SATL1: variants seen among roughly 807,000 people sequenced by gnomAD.
The protein encoded by SATL1 is spermidine/spermine N1-acetyl transferase like 1, also known as spermidine/spermine N(1)-acetyltransferase-like protein 1.
Under a neutral mutation model 51.8 loss-of-function variants are expected in SATL1, and 47 were observed. That is an observed-to-expected ratio of 0.91 (90% CI 0.72 to 1.16). The LOEUF (loss-of-function observed/expected upper bound fraction) is 1.16. Among genes scored for constraint, SATL1 ranks in the 50% most tolerant of loss-of-function variants. SATL1 has a pLI of 0.00. For synonymous variants in SATL1, 176 were observed against 182.4 expected (o/e 0.97, Z 0.28); for missense variants, 520 against 526.4 (o/e 0.99, Z 0.12).
chrX:85,239,359 A>T (rs1042736410), intron 1 of SATL1, among the ~76,000 whole-genome samples: 2 of 111,494 alleles, frequency 1.8e-5, no homozygotes, highest in African/African-American at 3.3e-5. Flanking sequence ...AACACTGATG[A>T]AACATATCCA....
At chrX:85,220,068 T>G (rs188369951) in intron 2 of SATL1, among the ~76,000 whole-genome samples, 8 of 108,621 alleles carry the variant, frequency 7.4e-5, no homozygotes, top group Non-Finnish European at 1.5e-4. Context: ...CCAGCAGCAG[T>G]GTGGAGTGGA....
intron 2 of SATL1, among the ~76,000 whole-genome samples, chrX:85,142,395 CA>C (rs1212348825): frequency 0.13 from 5,702 of 43,031 alleles, 521 homozygotes; most frequent in African/African-American, 0.34. Flanking sequence ...GACTCCATCT[CA>C]AAAAAAAAAA....
Position 85,129,398 on chromosome X carries a change from C to T in SATL1, c.-312-20118G>A, listed in dbSNP as rs188281335. 7.4e-3 allele frequency among the ~76,000 whole-genome samples: 824 copies of T among 111,256 alleles called. 7 individuals carry two copies. Among genetic ancestry groups the T allele is most frequent in the African/African-American group, 0.025 (774 of 30,578 alleles). On this transcript the variant is annotated intron_variant, in intron 2 of 7. Transcript: ENST00000644105. ...GTTGGATTCCTAGGTATTTTATTCT[C>T]TTTGTAGCAATTGTGAATGGGAGTT...
At position 85,123,354 on chromosome X, in the gene SATL1, C is replaced by A. The variant is rs1466281226; in HGVS notation, c.-312-14074G>T. 4.5e-5 allele frequency among the ~76,000 whole-genome samples: 5 copies of A among 111,000 alleles called. No homozygotes were observed. The Admixed American group carries it at 4.8e-4, about 11-fold the overall frequency. ...TTTTGATTTTTTAATTATAGCCATT[C>A]TGACTGGTGTGAGATGGTATCTCAT... On this transcript the variant is annotated intron_variant, in intron 2 of 7. Coordinates refer to ENST00000644105, the MANE Select transcript of SATL1 (RefSeq NM_001367857.2).
chrX:85,226,308 C>A (rs768767436), intron 1 of SATL1, among the ~76,000 whole-genome samples: 2 of 111,560 alleles, frequency 1.8e-5, no homozygotes, highest in African/African-American at 3.3e-5. Flanking sequence ...CAAATGGCAA[C>A]TGCTTTCTTT....
chrX:85,108,283 C>T lies in SATL1; in HGVS notation c.686G>A (p.Arg229Lys). The T allele has an allele frequency of 8.3e-7, 1 of 1,211,277 alleles. No homozygotes were observed. The highest frequency in any genetic ancestry group is 1.1e-6 in the Non-Finnish European group (1 of 895,422). ...SQQVPSQPGI[R>K]QPDTSQSCKN... ...ACATGATTGGCTAGTGTCTGGTTGCCTTATGCCTGGTTGGCTGGGGACTTG... is the reference window on the plus strand; with the variant it reads ...ACATGATTGGCTAGTGTCTGGTTGCTTTATGCCTGGTTGGCTGGGGACTTG... The change falls in exon 3 of 8, where the codon AGG becomes AAG. Residue 229 changes from arginine to lysine, a missense_variant. Arg to Lys is a conservative substitution (Grantham distance 26). Transcript: ENST00000644105.
chrX:85,234,110 A>G (rs1302618771), intron 1 of SATL1, among the ~76,000 whole-genome samples: 1 of 111,703 alleles, frequency 9.0e-6, no homozygotes, highest in African/African-American at 3.3e-5. Context: ...TTTTCAGTGG[A>G]AACTTTACAG....
intron 2 of SATL1, among the ~76,000 whole-genome samples, chrX:85,158,785 GAAT>G (rs1403491772): frequency 9.0e-6 from 1 of 111,256 alleles, no homozygotes; most frequent in East Asian, 2.8e-4. Flanking sequence ...GAAGAACACT[GAAT>G]AATAATCCGA....
chrX:85,150,063 G>A (rs1926380433), intron 2 of SATL1, among the ~76,000 whole-genome samples: 1 of 111,093 alleles, frequency 9.0e-6, no homozygotes, highest in African/African-American at 3.3e-5. Flanking sequence ...TTGATAGACT[G>A]CTGGCAAGAC....
At chrX:85,187,801 T>C (rs1396197747) in intron 2 of SATL1, among the ~76,000 whole-genome samples, 1 of 111,922 alleles carries the variant, frequency 8.9e-6, no homozygotes, top group African/African-American at 3.2e-5. Context: ...GTTGTGTCCT[T>C]GTCTGGTTTG....
intron 2 of SATL1, among the ~76,000 whole-genome samples, chrX:85,186,662 A>C (rs1487974451): frequency 9.0e-6 from 1 of 111,720 alleles, no homozygotes; most frequent in Non-Finnish European, 1.9e-5. Flanking sequence ...TCTTTCCCCT[A>C]AGTACACAGA....
At chrX:85,219,425 T>G (rs1191634550) in intron 2 of SATL1, 7 of 111,838 alleles carry the variant, frequency 6.3e-5, no homozygotes, top group African/African-American at 2.3e-4. Context: ...AATATCTAAC[T>G]TCATTAACTA....
At chrX:85,095,085 C>A in intron 4 of SATL1, 89 bp from the exon 5 acceptor site, 1 of 519,424 alleles carries the variant, frequency 1.9e-6, no homozygotes, top group Non-Finnish European at 3.3e-6. Context: ...ATTTCTCTCT[C>A]CACCTGGATA....
At chrX:85,199,736 C>A (rs983974462) in intron 2 of SATL1, among the ~76,000 whole-genome samples, 1 of 111,691 alleles carries the variant, frequency 9.0e-6, no homozygotes, top group African/African-American at 3.3e-5. Flanking sequence ...AACACTTGAA[C>A]TCATGGAGAT....
At chrX:85,163,789 T>G (rs1211222554) in intron 2 of SATL1, among the ~76,000 whole-genome samples, 3 of 111,989 alleles carry the variant, frequency 2.7e-5, no homozygotes, top group African/African-American at 9.7e-5. Flanking sequence ...TTCTGGGGTA[T>G]AGTTTAAGTC....
intron 1 of SATL1, among the ~76,000 whole-genome samples, chrX:85,229,258 C>T (rs1158654984): frequency 9.0e-6 from 1 of 111,551 alleles, no homozygotes; most frequent in Non-Finnish European, 1.9e-5. Flanking sequence ...TAACACCAAT[C>T]CTTCTCATAC....
chrX:85,118,011 C>T (rs558704766), intron 2 of SATL1, among the ~76,000 whole-genome samples: 1 of 105,023 alleles, frequency 9.5e-6, no homozygotes, highest in Non-Finnish European at 1.9e-5. Flanking sequence ...TTTTGTGAAA[C>T]GCAAGATGGA....
chrX:85,194,317 C>T (rs1374890812), intron 2 of SATL1, among the ~76,000 whole-genome samples: 1 of 111,418 alleles, frequency 9.0e-6, no homozygotes, highest in African/African-American at 3.3e-5. Context: ...TTAGAAATAT[C>T]ACTGGTTACT....
Position 85,107,527 on chromosome X carries a change from A to T in SATL1, c.1442T>A (p.Ile481Lys). The T allele has an allele frequency of 8.3e-7, 1 of 1,211,724 alleles. No homozygotes were observed. Among genetic ancestry groups the T allele is most frequent in the East Asian group, 3.0e-5 (1 of 33,804 alleles). ...TGGCTGACTCGGCCCCGGTTCCCAT[A>T]TGCCTGGTTGGCCCCTGCCTGGATG... is the stretch of plus-strand genomic sequence containing the variant. Reference protein sequence around the residue: ...MSHPGRGQPGIWEPGPSQPGL... With the variant: ...MSHPGRGQPGKWEPGPSQPGL... Residue 481 changes from isoleucine to lysine, a missense_variant, in exon 3 of 8, where the codon ATA (isoleucine) becomes AAA (lysine). Transcript: ENST00000644105.
Sources: allele counts gnomAD v4.1 joint callset (sites outside exome capture counted in the v4.1 genomes callset), GRCh38; gene constraint gnomAD v4.1.1; transcripts MANE v1.5; gene names NCBI Gene and HGNC (gene_info 2026-07-23, HGNC 2026-07-21).